Variants in LMTK3 observed in about 807,000 individuals in gnomAD.
The protein encoded by LMTK3 is lemur tail kinase 3.
In LMTK3, 27 loss-of-function variants were observed where a neutral mutation model predicts 116.7. The observed-to-expected ratio is 0.23, with a 90% CI of 0.17 to 0.32. LMTK3 has a LOEUF of 0.32. Among genes scored for constraint, LMTK3 ranks in the 10% least tolerant of loss-of-function variants. The pLI is 1.00. For synonymous variants in LMTK3, 965 were observed against 971.0 expected (o/e 0.99, Z 0.11); for missense variants, 1,764 against 2,068.5 (o/e 0.85, Z 2.86).
In LMTK3 at chr19:48,485,602, G is replaced by T; in HGVS notation, c.*171C>A. ...CCATCTGGGGGGCTGGGGGGCGGGGGCCCGGGGCCTCCCGTTTGGCACATG... is the reference window on the plus strand; with the variant it reads ...CCATCTGGGGGGCTGGGGGGCGGGGTCCCGGGGCCTCCCGTTTGGCACATG... On this transcript the variant is annotated 3_prime_UTR_variant, in exon 15 of 15. Transcript: ENST00000600059. The T allele has an allele frequency of 6.1e-6, 4 of 654,982 alleles. No homozygotes were observed. Among genetic ancestry groups the T allele is most frequent in the Non-Finnish European group, 1.0e-5 (4 of 395,192 alleles). The allele number at this position is 654,982 out of a possible 1,614,324, so 40.6% of individuals were successfully genotyped here.
chr19:48,493,289 A>T (rs183147910), intron 12 of LMTK3, among the ~76,000 whole-genome samples: 1 of 75,436 alleles, frequency 1.3e-5, no homozygotes, highest in South Asian at 4.4e-4. Context: ...CAGGCCCTGC[A>T]CCTCTAGGCT....
In LMTK3 at chr19:48,497,403, C is replaced by A; in HGVS notation, c.3666G>T (p.Glu1222Asp). The A allele has an allele frequency of 6.6e-7, 1 of 1,523,878 alleles. No homozygotes were observed. Among genetic ancestry groups the A allele is most frequent in the Non-Finnish European group, 8.8e-7 (1 of 1,139,598 alleles). The allele number at this position is 1,523,878 out of a possible 1,614,324, so 94.4% of individuals were successfully genotyped here. ...CCGCAGCCTCCTCACCTTTGATCTGCTCGCTGTTCCCCTGAGGGGGTCCCA... is the reference window on the plus strand; with the variant it reads ...CCGCAGCCTCCTCACCTTTGATCTGATCGCTGTTCCCCTGAGGGGGTCCCA... Reference protein sequence around the residue: ...LDLGPPQGNSEQIKARLSRLS... With the variant: ...LDLGPPQGNSDQIKARLSRLS... Residue 1222 changes from glutamate (E) to aspartate (D), a missense_variant, in exon 11 of 15, where the codon GAG becomes GAT. Around this residue, in one of 7 missense-constraint regions of LMTK3, gnomAD observed 39 missense variants for 75.4 expected, o/e 0.52. Coordinates refer to ENST00000600059, the MANE Select transcript of LMTK3 (RefSeq NM_001388485.1). The surrounding 1 kb of genome is among the most constrained non-coding windows in gnomAD (Gnocchi z 5.7).
At position 48,494,261 on chromosome 19, in the gene LMTK3, C is replaced by T. The variant is rs904182151; in HGVS notation, c.3677-152G>A. On this transcript the variant is annotated intron_variant, in intron 11 of 14. Coordinates refer to ENST00000600059, the MANE Select transcript of LMTK3 (RefSeq NM_001388485.1). The surrounding 1 kb of genome is among the most constrained non-coding windows in gnomAD (Gnocchi z 4.0). ...AGGGCTGCACCAGGGCTTCTCCAGG[C>T]AGGGTGGGAAAGGTCCTCTCCAGTG... 2.6e-5 allele frequency among the ~76,000 whole-genome samples: 4 copies of T among 152,222 alleles called. No individual in the cohort carries two copies. Among genetic ancestry groups the T allele is most frequent in the Non-Finnish European group, 5.9e-5 (4 of 68,038 alleles).
rs2147560310 is a variant in LMTK3, at chr19:48,508,909, G to A, written c.499C>T (p.Arg167Ter). The A allele has an allele frequency of 6.2e-7, 1 of 1,613,512 alleles. No homozygotes were observed. ...TPAQVVVKEL[R>*]ASAGPLEQRK... ...TGCTCCAGGGGCCCCGCGCTGGCTC[G>A]GAGCTCCTTCACCACCACCTGGGCG... is the stretch of plus-strand genomic sequence containing the variant. The change falls in exon 5 of 15, where the codon CGA (arginine) becomes TGA (stop). Residue 167 changes from arginine to a stop codon, truncating the protein, a stop_gained. Coordinates refer to ENST00000600059, the MANE Select transcript of LMTK3 (RefSeq NM_001388485.1). LOFTEE classifies it high-confidence loss of function.
chr19:48,504,069 T>C (rs996231435), intron 5 of LMTK3, among the ~76,000 whole-genome samples: 4 of 152,146 alleles, frequency 2.6e-5, no homozygotes, highest in Non-Finnish European at 4.4e-5. Context: ...GGTTTCACCA[T>C]GTTGGCCAGG....
At position 48,491,984 on chromosome 19, in the gene LMTK3, C is replaced by A. The variant is rs1338353692; in HGVS notation, c.4093-445G>T. Among the ~76,000 whole-genome samples the A allele has an allele frequency of 6.6e-6, 1 of 152,042 alleles. No homozygotes were observed. Among genetic ancestry groups the A allele is most frequent in the Non-Finnish European group, 1.5e-5 (1 of 68,004 alleles). On this transcript the variant is annotated intron_variant, in intron 12 of 14. Transcript: ENST00000600059. The surrounding 1 kb of genome is among the most constrained non-coding windows in gnomAD (Gnocchi z 5.1). ...CGTGCTGGATGCTGTGACCCTGCCC[C>A]TGAGCCCTCCCTCAGAAGTAGACCT... is the stretch of plus-strand genomic sequence containing the variant.
chr19:48,485,470 C>G lies in LMTK3; in HGVS notation c.*303G>C, dbSNP rs1186389695. 1 of 396,464 alleles carries G rather than the reference C, an allele frequency of 2.5e-6. No homozygotes were observed. Among genetic ancestry groups the G allele is most frequent in the East Asian group, 5.6e-5 (1 of 17,832 alleles). 24.6% of individuals were successfully genotyped at this position (396,464 alleles called of 1,614,324 possible). A position where few individuals can be genotyped will look rare whatever the true frequency, so the allele number is the denominator to read the frequency against. On this transcript the variant is annotated 3_prime_UTR_variant, in exon 15 of 15. Transcript: ENST00000600059. ...GGACCTCCGCTGTGTCGAGGGGCTC[C>G]AGGCCCAAAAGAGTTCAGTTCAGTT...
chr19:48,490,524 CAAAAAA>C (rs397860073), intron 14 of LMTK3, among the ~76,000 whole-genome samples: 6 of 48,084 alleles, frequency 1.2e-4, no homozygotes, highest in Non-Finnish European at 1.7e-4. Context: ...GACTCCGTCT[CAAAAAA>C]AAAAAAAAAA....
At chr19:48,487,816 A>G (rs1039407535) in intron 14 of LMTK3, among the ~76,000 whole-genome samples, 1 of 151,568 alleles carries the variant, frequency 6.6e-6, no homozygotes, top group African/African-American at 2.4e-5. Flanking sequence ...CACTGCCCTC[A>G]CTCCCAGTCC....
Position 48,497,467 on chromosome 19 carries a change from T to A in LMTK3, c.3602A>T (p.Glu1201Val), listed in dbSNP as rs376061615. Reference sequence around the variant, plus strand: ...TCGTGGCATCTCGGGGCCCTTCCTCTCGGGCTTGGGGGGGTCCCCGTCTCC... The same window carrying A: ...TCGTGGCATCTCGGGGCCCTTCCTCACGGGCTTGGGGGGGTCCCCGTCTCC... Reference protein sequence around the residue: ...LSGDGDPPKPERKGPEMPRLF... With the variant: ...LSGDGDPPKPVRKGPEMPRLF... The change falls in exon 11 of 15, where the codon GAG (glutamate) becomes GTG (valine). Residue 1201 changes from glutamate (E) to valine (V), a missense_variant. Physicochemically the swap from Glu to Val is moderately radical, Grantham distance 121. Around this residue, in one of 7 missense-constraint regions of LMTK3, gnomAD observed 1,028 missense variants for 1,050.6 expected, o/e 0.98. Transcript: ENST00000600059. The surrounding 1 kb of genome is among the most constrained non-coding windows in gnomAD (Gnocchi z 5.7). 13 of 1,523,468 alleles carry A rather than the reference T, an allele frequency of 8.5e-6. No individual in the cohort carries two copies. In the African/African-American group the frequency reaches 1.6e-4, roughly 19 times the overall value. The allele number at this position is 1,523,468 out of a possible 1,614,324, so 94.4% of individuals were successfully genotyped here.
chr19:48,494,630 G>T lies in LMTK3; in HGVS notation c.3677-521C>A, dbSNP rs1184119072. On this transcript the variant is annotated intron_variant, in intron 11 of 14. Coordinates refer to ENST00000600059, the MANE Select transcript of LMTK3 (RefSeq NM_001388485.1). The surrounding 1 kb of genome is among the most constrained non-coding windows in gnomAD (Gnocchi z 4.0). ...AGGCATGAGCCACCACACCCGGCCA[G>T]ATCCACCTCTCTGAGCCTCTGTTTC... Among the ~76,000 whole-genome samples the T allele has an allele frequency of 6.6e-6, 1 of 152,126 alleles. No homozygotes were observed. Among genetic ancestry groups the T allele is most frequent in the Non-Finnish European group, 1.5e-5 (1 of 68,018 alleles).
chr19:48,491,389 A>G lies in LMTK3; in HGVS notation c.4228+15T>C. On this transcript the variant is annotated intron_variant, in intron 13 of 14. Transcript: ENST00000600059. The surrounding 1 kb of genome is among the most constrained non-coding windows in gnomAD (Gnocchi z 5.1). The stretch of plus-strand genomic sequence containing the variant: ...TGGCTCCCGCCCCCTCCCGCCCCAT[A>G]GGGCCCGTCCTCACCAAAGCCGCTG... The G allele has an allele frequency of 1.5e-6, 2 of 1,368,436 alleles. No homozygotes were observed. Among genetic ancestry groups the G allele is most frequent in the Non-Finnish European group, 1.9e-6 (2 of 1,058,480 alleles). The allele number at this position is 1,368,436 out of a possible 1,614,324, so 84.8% of individuals were successfully genotyped here. A position where few individuals can be genotyped will look rare whatever the true frequency, so the allele number is the denominator to read the frequency against.
chr19:48,498,700 G>T lies in LMTK3; in HGVS notation c.2369C>A (p.Pro790Gln). ...GSGLSSPGPKPGDSGYETETP... is the reference protein window; with the variant it reads ...GSGLSSPGPKQGDSGYETETP... ...CTCGGTCTCGTAGCCGCTGTCCCCCGGCTTGGGGCCCGGCGACGAGAGGCC... is the reference window on the plus strand; with the variant it reads ...CTCGGTCTCGTAGCCGCTGTCCCCCTGCTTGGGGCCCGGCGACGAGAGGCC... Residue 790 changes from proline to glutamine, a missense_variant, in exon 11 of 15, where the codon CCG becomes CAG. Coordinates refer to ENST00000600059, the MANE Select transcript of LMTK3 (RefSeq NM_001388485.1). 1 of 1,534,812 alleles carries T rather than the reference G, an allele frequency of 6.5e-7. No homozygotes were observed. The highest frequency in any genetic ancestry group is 8.7e-7 in the Non-Finnish European group (1 of 1,145,510).
chr19:48,509,584 C>A, intron 3 of LMTK3, 71 bp from the exon 4 acceptor site: 2 of 1,271,568 alleles, frequency 1.6e-6, no homozygotes, highest in Non-Finnish European at 2.2e-6. Context: ...CACCCCAGGT[C>A]AGTGGGGACT....
upstream of LMTK3, chr19:48,513,295 A>C: frequency 1.2e-5 from 10 of 826,206 alleles, no homozygotes; most frequent in Non-Finnish European, 2.0e-5. This position sits in a 1 kb window ranked among gnomAD's most constrained non-coding sequence, Gnocchi z 5.6. Context: ...ATTACCTCTC[A>C]ATCCTCACAA....
At chr19:48,511,044 A>T (rs902100993) in intron 1 of LMTK3, among the ~76,000 whole-genome samples, 6 of 152,120 alleles carry the variant, frequency 3.9e-5, no homozygotes, top group African/African-American at 1.4e-4. Context: ...TGTGGGGTTG[A>T]GATCTGTCTC....
chr19:48,493,644 T>G (rs1972268500), intron 12 of LMTK3, 50 bp downstream of exon 12: 1 of 1,438,826 alleles, frequency 7.0e-7, no homozygotes. Flanking sequence ...TCTAGGCTCC[T>G]GCTCCCTCCA....
At position 48,494,397 on chromosome 19, in the gene LMTK3, C is replaced by T. The variant is rs946865709; in HGVS notation, c.3677-288G>A. ...TGATTTCTCTGGCCTCTGTCCCCACCTCCTCTGGCCTGACCTCCATCTAGC... is the reference window on the plus strand; with the variant it reads ...TGATTTCTCTGGCCTCTGTCCCCACTTCCTCTGGCCTGACCTCCATCTAGC... On this transcript the variant is annotated intron_variant, in intron 11 of 14. Transcript: ENST00000600059. This position sits in a 1 kb window ranked among gnomAD's most constrained non-coding sequence, Gnocchi z 4.0. 6.6e-6 allele frequency among the ~76,000 whole-genome samples: 1 copy of T among 152,240 alleles called. No homozygotes were observed. The highest frequency in any genetic ancestry group is 2.4e-5 in the African/African-American group (1 of 41,460).
chr19:48,502,241 A>C (rs1601052948), intron 7 of LMTK3, among the ~76,000 whole-genome samples, 192 bp downstream of exon 7: 1 of 99,068 alleles, frequency 1.0e-5, no homozygotes, highest in Non-Finnish European at 2.0e-5. Flanking sequence ...CCTCCCTCTC[A>C]CTTGGTTCCT....
Sources: allele counts gnomAD v4.1 joint callset (sites outside exome capture counted in the v4.1 genomes callset), GRCh38; gene constraint gnomAD v4.1.1; regional missense constraint gnomAD v4.1.1; non-coding constraint Gnocchi (gnomAD v3.1); transcripts MANE v1.5; gene names NCBI Gene and HGNC (gene_info 2026-07-23, HGNC 2026-07-21).